Variants in SPOPL observed in about 807,000 individuals in gnomAD.
SPOPL encodes speckle type BTB/POZ protein like, also known as speckle-type POZ protein-like.
A neutral mutation model predicts 53.8 loss-of-function variants in SPOPL; 23 were observed. The ratio of observed to expected loss-of-function variants is 0.43; its 90% CI spans 0.31 to 0.61. SPOPL has a LOEUF of 0.61. Among genes scored for constraint, SPOPL ranks in the 20% least tolerant of loss-of-function variants. The probability of loss-of-function intolerance (pLI) is 0.12; values close to 1 mark genes in which losing one functional copy is unlikely to be tolerated. For synonymous variants in SPOPL, 164 were observed against 149.7 expected, an observed-to-expected ratio of 1.10 and a Z score of -0.70; for missense variants, 442 against 466.9, an observed-to-expected ratio of 0.95 and a Z score of 0.49.
rs1483900039 is a variant in SPOPL, at chr2:138,545,906, A to G, written c.-60-4251A>G. ...CATATCTACGAATTTCTACCTATAT[A>G]GTTTAGTGATTCATAGATATTTTTA... On this transcript the variant is annotated intron_variant, in intron 1 of 10. Transcript: ENST00000280098. Among the ~76,000 whole-genome samples, 7 of 152,244 alleles carry G rather than the reference A, an allele frequency of 4.6e-5. No individual in the cohort carries two copies. In the South Asian group the frequency reaches 1.0e-3, roughly 23 times the overall value.
intron 1 of SPOPL, among the ~76,000 whole-genome samples, chr2:138,510,307 A>G (rs565796181): frequency 7.9e-5 from 12 of 152,360 alleles, no homozygotes; most frequent in East Asian, 7.7e-4. Context: ...CTGTCTTTCA[A>G]AGTGGCCATA....
intron 1 of SPOPL, among the ~76,000 whole-genome samples, chr2:138,517,261 G>A (rs116712973): frequency 0.011 from 1,655 of 152,202 alleles, 34 homozygotes; most frequent in African/African-American, 0.038. Flanking sequence ...GATTTTTAGA[G>A]GTTGGCAGGA....
chr2:138,554,821 T>G (rs376330531), intron 5 of SPOPL, among the ~76,000 whole-genome samples: 2 of 151,818 alleles, frequency 1.3e-5, no homozygotes, highest in South Asian at 4.1e-4. Flanking sequence ...AAAATATATA[T>G]AAACAAGTAT....
chr2:138,513,809 A>C (rs1395361090), intron 1 of SPOPL, among the ~76,000 whole-genome samples: 1 of 152,138 alleles, frequency 6.6e-6, no homozygotes, highest in South Asian at 2.1e-4. Flanking sequence ...GATATAAACA[A>C]ATTTTTAATG....
intron 1 of SPOPL, among the ~76,000 whole-genome samples, chr2:138,548,001 T>C (rs1185370105): frequency 6.6e-6 from 1 of 152,166 alleles, no homozygotes; most frequent in East Asian, 1.9e-4. Context: ...AATTATCTTT[T>C]TCACAGTTAT....
chr2:138,527,984 A>G (rs907885022), intron 1 of SPOPL, among the ~76,000 whole-genome samples: 2 of 152,278 alleles, frequency 1.3e-5, no homozygotes, highest in East Asian at 1.9e-4. Context: ...AGAGTGCTCT[A>G]TTTGATTTCT....
intron 10 of SPOPL, among the ~76,000 whole-genome samples, chr2:138,566,839 TAGAAG>T (rs1450902521): frequency 6.6e-6 from 1 of 152,140 alleles, no homozygotes; most frequent in Non-Finnish European, 1.5e-5. Context: ...AGTAATACAA[TAGAAG>T]AGAATATGTA....
chr2:138,521,707 C>CTTTA (rs1374026082), intron 1 of SPOPL, among the ~76,000 whole-genome samples: 2 of 152,098 alleles, frequency 1.3e-5, no homozygotes, highest in East Asian at 3.8e-4. Flanking sequence ...ATCTGGAAGT[C>CTTTA]TTTACCCTTG....
intron 1 of SPOPL, among the ~76,000 whole-genome samples, chr2:138,517,331 C>CT (rs1354294456): frequency 6.6e-6 from 1 of 152,158 alleles, no homozygotes; most frequent in Non-Finnish European, 1.5e-5. Flanking sequence ...CCTCTGATCT[C>CT]TGACTGCTGC....
rs1684102818 is a variant in SPOPL, at chr2:138,501,974, T to G, written c.-206T>G. ...GCGGGTCGGGGAGGAGGGATGCGGTTCGGCGGAGGCGGCCGCCACAGGGAC... is the reference window on the plus strand; with the variant it reads ...GCGGGTCGGGGAGGAGGGATGCGGTGCGGCGGAGGCGGCCGCCACAGGGAC... On this transcript the variant is annotated 5_prime_UTR_variant, in exon 1 of 11. Coordinates refer to ENST00000280098, the MANE Select transcript of SPOPL (RefSeq NM_001001664.3). 6.6e-6 allele frequency: 1 copy of G among 152,200 alleles called. No homozygotes were observed. The highest frequency in any genetic ancestry group is 1.5e-5 in the Non-Finnish European group (1 of 68,148). 9.4% of individuals were successfully genotyped at this position (152,200 alleles called of 1,614,324 possible). A position where few individuals can be genotyped will look rare whatever the true frequency, so the allele number is the denominator to read the frequency against.
At chr2:138,566,387 T>G (rs1685660806) in intron 10 of SPOPL, among the ~76,000 whole-genome samples, 1 of 152,170 alleles carries the variant, frequency 6.6e-6, no homozygotes, top group Non-Finnish European at 1.5e-5. Context: ...TATAACTTTT[T>G]CAGTGTCAAA....
intron 5 of SPOPL, among the ~76,000 whole-genome samples, chr2:138,556,319 T>A (rs1021630258): frequency 6.6e-6 from 1 of 152,212 alleles, no homozygotes; most frequent in Non-Finnish European, 1.5e-5. Context: ...TATTACCTGA[T>A]TTTTTGCCAA....
intron 1 of SPOPL, among the ~76,000 whole-genome samples, chr2:138,526,290 T>C (rs1684673890): frequency 6.6e-6 from 1 of 152,182 alleles, no homozygotes; most frequent in African/African-American, 2.4e-5. Flanking sequence ...AAAATTCTAG[T>C]GGATTCTCAT....
chr2:138,531,717 G>A (rs114513957), intron 1 of SPOPL, among the ~76,000 whole-genome samples: 1,657 of 151,782 alleles, frequency 0.011, 34 homozygotes, highest in African/African-American at 0.038. Flanking sequence ...AATTTCAGTT[G>A]TTTTCCAGTT....
At chr2:138,522,046 A>G (rs1038564145) in intron 1 of SPOPL, among the ~76,000 whole-genome samples, 6 of 152,050 alleles carry the variant, frequency 3.9e-5, no homozygotes, top group African/African-American at 1.4e-4. Context: ...TAGAAATGCA[A>G]ATTTGGGAAG....
intron 1 of SPOPL, among the ~76,000 whole-genome samples, chr2:138,536,651 G>T (rs1684942391): frequency 6.6e-6 from 1 of 150,856 alleles, no homozygotes; most frequent in African/African-American, 2.4e-5. Context: ...GTCTTTTCCT[G>T]TTTTTTTTTG....
intron 1 of SPOPL, among the ~76,000 whole-genome samples, chr2:138,517,774 C>T (rs1213809083): frequency 4.6e-5 from 7 of 150,592 alleles, no homozygotes; most frequent in East Asian, 3.9e-4. Context: ...GGCCAGGGCA[C>T]GGTGGCTCAT....
In SPOPL at chr2:138,557,432, T is replaced by A. The variant is rs539156794; in HGVS notation, c.481-1590T>A. On this transcript the variant is annotated intron_variant, in intron 5 of 10. Coordinates refer to ENST00000280098, the MANE Select transcript of SPOPL (RefSeq NM_001001664.3). ...AGTGTGTATTCATTCACATGAGATA[T>A]ATGTTTGTATGTCTGGATGTATTGG... 2.6e-5 allele frequency among the ~76,000 whole-genome samples: 4 copies of A among 152,364 alleles called. No individual in the cohort carries two copies. The South Asian group carries it at 8.3e-4, about 32-fold the overall frequency.
At position 138,550,906 on chromosome 2, in the gene SPOPL, C is replaced by T. The variant is rs1558876373; in HGVS notation, c.204C>T (p.Cys68=). 2.5e-6 allele frequency: 4 copies of T among 1,603,250 alleles called. No individual in the cohort carries two copies. The highest frequency in any genetic ancestry group is 3.4e-6 in the Non-Finnish European group (4 of 1,175,582). ...TGAGCTTATTGTTTTATTTTAGGTG[C>T]CTGAGGGTAAACCCAAAGGGATTAG... The part of the protein sequence containing the change: ...SSGPSDKMKW[C]LRVNPKGLDD... Residue 68 remains cysteine, a synonymous_variant, in exon 4 of 11, where the codon TGC becomes TGT. Coordinates refer to ENST00000280098, the MANE Select transcript of SPOPL (RefSeq NM_001001664.3).
Sources: allele counts gnomAD v4.1 joint callset (sites outside exome capture counted in the v4.1 genomes callset), GRCh38; gene constraint gnomAD v4.1.1; transcripts MANE v1.5; gene names NCBI Gene and HGNC (gene_info 2026-07-23, HGNC 2026-07-21).